Variants in DLG2 observed in about 807,000 individuals in gnomAD.
DLG2 encodes the protein discs large MAGUK scaffold protein 2, also known as disks large homolog 2.
Under a neutral mutation model 132.5 loss-of-function variants are expected in DLG2, and 45 were observed. That is an observed-to-expected ratio of 0.34 (90% CI 0.27 to 0.44). DLG2 has a LOEUF of 0.44. DLG2 is among the 20% of genes least tolerant of loss of function. The probability of loss-of-function intolerance (pLI) is 1.00; values close to 1 mark genes in which losing one functional copy is unlikely to be tolerated. For missense variants in DLG2, 1,045 were observed against 1,196.9 expected, an observed-to-expected ratio of 0.87 and a Z score of 1.87; for synonymous variants, 424 against 419.6, an observed-to-expected ratio of 1.01 and a Z score of -0.13.
chr11:84,313,425 ATAT>A (rs2098312747), intron 7 of DLG2, among the ~76,000 whole-genome samples: 2 of 151,746 alleles, frequency 1.3e-5, no homozygotes, highest in Non-Finnish European at 1.5e-5. Flanking sequence ...GTTTACTATA[ATAT>A]TATACACACA....
At chr11:84,959,016 G>T (rs1380582372) in intron 6 of DLG2, among the ~76,000 whole-genome samples, 2 of 152,150 alleles carry the variant, frequency 1.3e-5, no homozygotes, top group Non-Finnish European at 2.9e-5. Context: ...AGCGCTACAG[G>T]TAGGCACCTG....
intron 4 of DLG2, among the ~76,000 whole-genome samples, chr11:85,237,545 A>C (rs931565435): frequency 6.6e-6 from 1 of 152,068 alleles, no homozygotes; most frequent in African/African-American, 2.4e-5. Context: ...GTAAACTAAA[A>C]ATAAAATCCT....
intron 11 of DLG2, among the ~76,000 whole-genome samples, chr11:83,998,538 T>C (rs1053355150): frequency 5.3e-5 from 8 of 152,268 alleles, no homozygotes; most frequent in Middle Eastern, 3.4e-3. Context: ...AGCTGGGAGA[T>C]GAGAGACTCC....
chr11:85,230,523 C>G (rs1328570115), intron 4 of DLG2, among the ~76,000 whole-genome samples: 1 of 151,452 alleles, frequency 6.6e-6, no homozygotes, highest in Non-Finnish European at 1.5e-5. Context: ...TGACTTTTTT[C>G]TTTCACCATT....
At chr11:85,264,930 A>C (rs1223252105) in intron 4 of DLG2, among the ~76,000 whole-genome samples, 3 of 152,158 alleles carry the variant, frequency 2.0e-5, no homozygotes, top group Non-Finnish European at 4.4e-5. Flanking sequence ...TATTAATCTG[A>C]TCCTGTCTAT....
intron 19 of DLG2, among the ~76,000 whole-genome samples, chr11:83,572,350 G>A (rs1020287824): frequency 1.3e-5 from 2 of 152,116 alleles, no homozygotes; most frequent in African/African-American, 4.8e-5. Context: ...AGGAGTATGA[G>A]TCAGTGATAA....
intron 18 of DLG2, among the ~76,000 whole-genome samples, chr11:83,747,968 T>G (rs754745420): frequency 5.9e-5 from 9 of 152,190 alleles, no homozygotes; most frequent in Non-Finnish European, 1.3e-4. Context: ...AGCTCCACTG[T>G]GCTGTGGAGA....
intron 6 of DLG2, among the ~76,000 whole-genome samples, chr11:85,026,833 T>C (rs1592898087): frequency 6.6e-6 from 1 of 151,890 alleles, no homozygotes; most frequent in Admixed American, 6.6e-5. Context: ...CAAGACTCTG[T>C]CTCAAAAAAA....
chr11:84,828,843 A>C (rs1331079017), intron 6 of DLG2, among the ~76,000 whole-genome samples: 1 of 151,806 alleles, frequency 6.6e-6, no homozygotes, highest in Non-Finnish European at 1.5e-5. Flanking sequence ...TGGTATGCTC[A>C]AAAATGGCTT....
At chr11:84,240,683 T>C (rs1057189568) in intron 8 of DLG2, among the ~76,000 whole-genome samples, 4 of 152,138 alleles carry the variant, frequency 2.6e-5, no homozygotes, top group Admixed American at 2.0e-4. Context: ...TGTGGACTAA[T>C]TGAACAGGGT....
At chr11:85,148,583 C>T (rs1286415835) in intron 5 of DLG2, among the ~76,000 whole-genome samples, 1 of 152,168 alleles carries the variant, frequency 6.6e-6, no homozygotes, top group Admixed American at 6.5e-5. Context: ...GTCCTTTGCC[C>T]ACTTTTTAAT....
At chr11:83,688,792 G>T (rs982742295) in intron 18 of DLG2, among the ~76,000 whole-genome samples, 1 of 152,084 alleles carries the variant, frequency 6.6e-6, no homozygotes, top group African/African-American at 2.4e-5. Flanking sequence ...TGCCTTCTTT[G>T]TTTATCTATT....
At chr11:85,222,281 A>C (rs1462754032) in intron 4 of DLG2, among the ~76,000 whole-genome samples, 1 of 152,118 alleles carries the variant, frequency 6.6e-6, no homozygotes, top group Non-Finnish European at 1.5e-5. Flanking sequence ...ATACATTTTC[A>C]AAGAGGATAA....
chr11:85,339,411 TG>T (rs2082335974), intron 3 of DLG2, among the ~76,000 whole-genome samples: 1 of 152,210 alleles, frequency 6.6e-6, no homozygotes, highest in Admixed American at 6.5e-5. Flanking sequence ...TAAATGCACC[TG>T]TAATTTTTTA....
At chr11:84,936,079 C>T (rs1163246580) in intron 6 of DLG2, among the ~76,000 whole-genome samples, 1 of 152,138 alleles carries the variant, frequency 6.6e-6, no homozygotes, top group Non-Finnish European at 1.5e-5. Flanking sequence ...TGGCTAGATA[C>T]TCAACATACT....
At chr11:84,969,526 C>G (rs2154113692) in intron 6 of DLG2, among the ~76,000 whole-genome samples, 1 of 152,304 alleles carries the variant, frequency 6.6e-6, no homozygotes, top group South Asian at 2.1e-4. Flanking sequence ...CAATCTGGGA[C>G]TCCATGTGGG....
At chr11:85,205,146 G>GTATATATATATATATATATATATA (rs376041155) in intron 4 of DLG2, among the ~76,000 whole-genome samples, 3 of 141,696 alleles carry the variant, frequency 2.1e-5, no homozygotes, top group Non-Finnish European at 4.6e-5. Flanking sequence ...ATATGTGTGT[G>GTATATATATATATATATATATATA]TATATATATA....
chr11:84,627,249 C>A (rs923824948), intron 6 of DLG2, among the ~76,000 whole-genome samples: 7 of 152,190 alleles, frequency 4.6e-5, no homozygotes, highest in Non-Finnish European at 5.9e-5. Context: ...ACTTTAAACA[C>A]AAGCCTATGC....
intron 4 of DLG2, among the ~76,000 whole-genome samples, chr11:85,204,131 G>A (rs1375620662): frequency 2.0e-5 from 3 of 152,058 alleles, no homozygotes; most frequent in Admixed American, 6.6e-5. Flanking sequence ...CGAACAAGAT[G>A]AAGATGCTCA....
Sources: allele counts gnomAD v4.1 joint callset (sites outside exome capture counted in the v4.1 genomes callset), GRCh38; gene constraint gnomAD v4.1.1; transcripts MANE v1.5; gene names NCBI Gene and HGNC (gene_info 2026-07-23, HGNC 2026-07-21).